The following PLCL2 variants were observed in gnomAD, a reference collection of about 807,000 sequenced individuals.
PLCL2 encodes the protein phospholipase C like 2.
Under a neutral mutation model 79.6 loss-of-function variants are expected in PLCL2, and 4 were observed. The ratio of observed to expected loss-of-function variants is 0.05; its 90% CI spans 0.02 to 0.11. The LOEUF (loss-of-function observed/expected upper bound fraction) is 0.11, where lower values mean the gene tolerates loss of function less well. PLCL2 is among the 10% of genes least tolerant of loss of function. The pLI, the probability that PLCL2 is intolerant of heterozygous loss-of-function variation, is 1.00. For missense variants in PLCL2, 895 were observed against 1,291.0 expected (o/e 0.69, Z 4.70); for synonymous variants, 484 against 457.7 (o/e 1.06, Z -0.73).
At chr3:16,943,611 G>A (rs1045357960) in intron 1 of PLCL2, among the ~76,000 whole-genome samples, 2 of 152,128 alleles carry the variant, frequency 1.3e-5, no homozygotes, top group African/African-American at 4.8e-5. Context: ...TTAGTCTATA[G>A]TCATCTTTGT....
intron 3 of PLCL2, among the ~76,000 whole-genome samples, chr3:17,015,745 A>G (rs916915399): frequency 6.6e-6 from 1 of 152,212 alleles, no homozygotes; most frequent in Non-Finnish European, 1.5e-5. Context: ...TAAGACCACG[A>G]AACTCTAGGT....
intron 1 of PLCL2, among the ~76,000 whole-genome samples, chr3:17,007,952 T>C (rs916968530): frequency 6.6e-6 from 1 of 152,180 alleles, no homozygotes; most frequent in Non-Finnish European, 1.5e-5. Flanking sequence ...AAAGATCTTT[T>C]GAGGTAATTT....
intron 5 of PLCL2, among the ~76,000 whole-genome samples, chr3:17,085,790 G>A (rs958171086): frequency 4.0e-5 from 6 of 149,584 alleles, no homozygotes; most frequent in South Asian, 2.1e-4. Context: ...AGTGGAATTC[G>A]AAATTAAAAA....
intron 1 of PLCL2, among the ~76,000 whole-genome samples, chr3:16,909,709 T>C (rs1696830991): frequency 6.6e-6 from 1 of 152,220 alleles, no homozygotes; most frequent in Admixed American, 6.5e-5. Flanking sequence ...TGGAGTCCTA[T>C]TTCTGTTCAG....
At chr3:17,024,131 C>A (rs1260692980) in intron 3 of PLCL2, among the ~76,000 whole-genome samples, 4 of 152,134 alleles carry the variant, frequency 2.6e-5, no homozygotes, top group African/African-American at 9.7e-5. Context: ...ACTAAGCCAG[C>A]TGGAAGGATT....
chr3:16,887,896 A>G lies in PLCL2; in HGVS notation c.327+2530A>G, dbSNP rs1306284732. On this transcript the variant is annotated intron_variant, in intron 1 of 5. Transcript: ENST00000615277. This position sits in a 1 kb window ranked among gnomAD's most constrained non-coding sequence, Gnocchi z 4.1. ...CTTATTTTTTTTAATATAAGGGATG[A>G]ATGCAGTCAGGTGGTCTCTGAGTAG... 1.3e-5 allele frequency among the ~76,000 whole-genome samples: 2 copies of G among 152,164 alleles called. No individual in the cohort carries two copies. The highest frequency in any genetic ancestry group is 4.8e-5 in the African/African-American group (2 of 41,426).
intron 1 of PLCL2, among the ~76,000 whole-genome samples, chr3:16,934,554 T>C (rs1259951494): frequency 2.0e-5 from 3 of 152,120 alleles, no homozygotes; most frequent in Non-Finnish European, 4.4e-5. Context: ...TCAAGGAGGT[T>C]GGACATAAGG....
chr3:16,964,855 T>C (rs1448015497), intron 1 of PLCL2, among the ~76,000 whole-genome samples: 2 of 152,192 alleles, frequency 1.3e-5, no homozygotes, highest in African/African-American at 2.4e-5. Context: ...TTGCCCACTT[T>C]TTGATAGGGT....
At chr3:16,987,469 T>C (rs948526358) in intron 1 of PLCL2, among the ~76,000 whole-genome samples, 1 of 152,138 alleles carries the variant, frequency 6.6e-6, no homozygotes, top group African/African-American at 2.4e-5. Context: ...CAGACAGTGA[T>C]AGATTGTCAG....
chr3:16,987,920 C>T (rs1039131742), intron 1 of PLCL2, among the ~76,000 whole-genome samples: 2 of 152,084 alleles, frequency 1.3e-5, no homozygotes, highest in African/African-American at 4.8e-5. Flanking sequence ...ATATACTATG[C>T]CAGTTCTTGG....
intron 4 of PLCL2, among the ~76,000 whole-genome samples, chr3:17,061,540 C>G (rs1050885837): frequency 6.6e-6 from 1 of 151,392 alleles, no homozygotes; most frequent in South Asian, 2.1e-4. Flanking sequence ...AGCTTTTAAG[C>G]CCTTCAGGAA....
chr3:16,906,523 A>G (rs1438393676), intron 1 of PLCL2, among the ~76,000 whole-genome samples: 1 of 152,178 alleles, frequency 6.6e-6, no homozygotes, highest in African/African-American at 2.4e-5. Flanking sequence ...ATCAAATTTC[A>G]GTTTTTAAAA....
At position 17,003,517 on chromosome 3, in the gene PLCL2, T is replaced by C. The variant is rs188677751; in HGVS notation, c.328-6157T>C. ...TCTTCCCATGTTCTTGTCCCTCCTG[T>C]AATGGTAGACTGCTTGCATTTTGGT... On this transcript the variant is annotated intron_variant, in intron 1 of 5. Transcript: ENST00000615277. Among the ~76,000 whole-genome samples the C allele has an allele frequency of 6.1e-3, 926 of 152,276 alleles. 4 individuals carry two copies. The highest frequency in any genetic ancestry group is 9.5e-3 in the Non-Finnish European group (647 of 68,022).
intron 1 of PLCL2, among the ~76,000 whole-genome samples, chr3:16,911,202 G>A (rs1300881217): frequency 1.4e-5 from 2 of 147,494 alleles, no homozygotes; most frequent in East Asian, 3.9e-4. Flanking sequence ...GTAGTGAGCC[G>A]AGATAGCGCC....
At chr3:16,945,285 ACTTGT>A (rs2063591199) in intron 1 of PLCL2, among the ~76,000 whole-genome samples, 1 of 151,918 alleles carries the variant, frequency 6.6e-6, no homozygotes, top group African/African-American at 2.4e-5. Flanking sequence ...CACACACAGC[ACTTGT>A]CTTCTCTTTC....
At chr3:17,040,215 G>A (rs922603027) in intron 3 of PLCL2, among the ~76,000 whole-genome samples, 1 of 152,082 alleles carries the variant, frequency 6.6e-6, no homozygotes, top group Admixed American at 6.6e-5. Context: ...CTCAGTAAAC[G>A]ATTGTCCCAA....
chr3:17,002,746 C>T (rs1413156930), intron 1 of PLCL2, among the ~76,000 whole-genome samples: 6 of 152,056 alleles, frequency 3.9e-5, no homozygotes, highest in Non-Finnish European at 7.4e-5. Flanking sequence ...TAGATAACAG[C>T]TCTTAGATGC....
chr3:16,925,227 T>G (rs201961121), intron 1 of PLCL2, among the ~76,000 whole-genome samples: 3 of 51,968 alleles, frequency 5.8e-5, no homozygotes, highest in Admixed American at 2.1e-4. Context: ...CCGGCCAGGG[T>G]TTTTTTTTTT....
At chr3:17,067,100 A>G (rs777718519) in intron 4 of PLCL2, among the ~76,000 whole-genome samples, 6 of 152,240 alleles carry the variant, frequency 3.9e-5, no homozygotes, top group Non-Finnish European at 5.9e-5. Flanking sequence ...CTAATTGTAC[A>G]TTGTGAGTAG....
Sources: allele counts gnomAD v4.1 joint callset (sites outside exome capture counted in the v4.1 genomes callset), GRCh38; gene constraint gnomAD v4.1.1; non-coding constraint Gnocchi (gnomAD v3.1); transcripts MANE v1.5; gene names NCBI Gene and HGNC (gene_info 2026-07-23, HGNC 2026-07-21).